Variants in GID4 observed in about 807,000 individuals in gnomAD.
GID4 encodes the protein glucose-induced degradation protein 4 homolog.
In GID4, 7 loss-of-function variants were observed where a neutral mutation model predicts 32.4. The ratio of observed to expected loss-of-function variants is 0.22; its 90% CI spans 0.12 to 0.41. The LOEUF (loss-of-function observed/expected upper bound fraction) is 0.41. GID4 is among the 10% of genes least tolerant of loss of function. The pLI, the probability that GID4 is intolerant of heterozygous loss-of-function variation, is 1.00. For synonymous variants in GID4, 166 were observed against 170.0 expected, an observed-to-expected ratio of 0.98 and a Z score of 0.18; for missense variants, 309 against 400.0, an observed-to-expected ratio of 0.77 and a Z score of 1.94.
intron 4 of GID4, among the ~76,000 whole-genome samples, chr17:18,059,502 C>T (rs1196651594): frequency 4.6e-5 from 7 of 152,158 alleles, no homozygotes; most frequent in East Asian, 3.8e-4. Context: ...GAATGGAACA[C>T]GGGTTTTTGA....
intron 1 of GID4, among the ~76,000 whole-genome samples, chr17:18,041,878 A>G (rs1234530244): frequency 6.6e-6 from 1 of 152,250 alleles, no homozygotes; most frequent in African/African-American, 2.4e-5. Flanking sequence ...GGCAGGGCTG[A>G]TAGGTCTCAG....
At chr17:18,064,919 TA>T (rs2142156757) in intron 5 of GID4, among the ~76,000 whole-genome samples, 1 of 152,048 alleles carries the variant, frequency 6.6e-6, no homozygotes, top group Admixed American at 6.6e-5. Context: ...CTCCTTTTTA[TA>T]AAACATACCA....
chr17:18,059,382 A>G (rs946719333), intron 4 of GID4, among the ~76,000 whole-genome samples: 4 of 152,088 alleles, frequency 2.6e-5, no homozygotes, highest in African/African-American at 9.7e-5. Flanking sequence ...ATCCCTCTAC[A>G]GGCTTAAACA....
intron 2 of GID4, among the ~76,000 whole-genome samples, chr17:18,047,499 A>G (rs1384261765): frequency 6.6e-6 from 1 of 152,262 alleles, no homozygotes; most frequent in Non-Finnish European, 1.5e-5. Flanking sequence ...TGAGCTCTCC[A>G]TCGGGAACAA....
intron 4 of GID4, among the ~76,000 whole-genome samples, chr17:18,059,420 A>G (rs139229138): frequency 6.6e-6 from 1 of 152,274 alleles, no homozygotes; most frequent in Non-Finnish European, 1.5e-5. Flanking sequence ...GCCCTCCACC[A>G]CATCCTTTTC....
At chr17:18,045,045 A>G in intron 1 of GID4, 102 bp from the exon 2 acceptor site, 2 of 847,954 alleles carry the variant, frequency 2.4e-6, no homozygotes, top group Non-Finnish European at 3.9e-6. Flanking sequence ...CTGGGTGTTC[A>G]CTGACCACCA....
At position 18,039,779 on chromosome 17, in the gene GID4, C is replaced by G. The variant is rs777389039; in HGVS notation, c.315C>G (p.Ile105Met). ...CCGCTGCCTCCGCGGCCTCACTCAT[C>G]CCGCCGCCGCCCATCAACACCCAGC... is the stretch of plus-strand genomic sequence containing the variant. ...GASAASAASL[I>M]PPPPINTQQP... is the part of the protein sequence containing the mutation. Residue 105 changes from isoleucine (I) to methionine (M), a missense_variant, in exon 1 of 6, where the codon ATC becomes ATG. Physicochemically the swap from Ile to Met is conservative, Grantham distance 10. Transcript: ENST00000268719. The surrounding 1 kb of genome is among the most constrained non-coding windows in gnomAD (Gnocchi z 5.3). 2 of 1,574,620 alleles carry G rather than the reference C, an allele frequency of 1.3e-6. No homozygotes were observed. The highest frequency in any genetic ancestry group is 2.8e-5 in the African/African-American group (2 of 71,794).
intron 3 of GID4, chr17:18,057,170 G>A (rs935121196): frequency 3.2e-5 from 34 of 1,074,532 alleles, no homozygotes; most frequent in Non-Finnish European, 4.3e-5. Flanking sequence ...GGTGGCTCAT[G>A]CCTGTAATGC....
intron 1 of GID4, among the ~76,000 whole-genome samples, chr17:18,044,024 G>GT (rs1387836247): frequency 6.6e-6 from 1 of 152,112 alleles, no homozygotes; most frequent in Non-Finnish European, 1.5e-5. Flanking sequence ...GATGGGCCCA[G>GT]TTTTTTCCAT....
intron 2 of GID4, 49 bp from the exon 3 acceptor site, chr17:18,054,078 A>G: frequency 9.6e-7 from 1 of 1,042,086 alleles, no homozygotes; most frequent in Non-Finnish European, 1.5e-6. Flanking sequence ...TACAAAGGTT[A>G]AAAACTCTCA....
intron 3 of GID4, among the ~76,000 whole-genome samples, 182 bp from the exon 4 acceptor site, chr17:18,058,686 T>A (rs185036534): frequency 4.8e-4 from 73 of 152,206 alleles, no homozygotes; most frequent in African/African-American, 1.7e-3. Context: ...CAGGGTTGAG[T>A]CTGCATTCAA....
chr17:18,039,942 C>G lies in GID4; in HGVS notation c.438+40C>G. The G allele has an allele frequency of 7.6e-7, 1 of 1,321,578 alleles. No homozygotes were observed. Among genetic ancestry groups the G allele is most frequent in the Non-Finnish European group, 9.7e-7 (1 of 1,031,650 alleles). 81.9% of individuals were successfully genotyped at this position (1,321,578 alleles called of 1,614,324 possible). ...GGGCCGGGGCCCGAGGGCCTCCTCG[C>G]GGCGCTCACGGGCCGTGCCCGCTTC... On this transcript the variant is annotated intron_variant, in intron 1 of 5. Coordinates refer to ENST00000268719, the MANE Select transcript of GID4 (RefSeq NM_024052.5). This position sits in a 1 kb window ranked among gnomAD's most constrained non-coding sequence, Gnocchi z 5.3.
At chr17:18,052,537 CTG>C (rs1022544859) in intron 2 of GID4, among the ~76,000 whole-genome samples, 3 of 152,184 alleles carry the variant, frequency 2.0e-5, no homozygotes, top group African/African-American at 2.4e-5. Context: ...GGACTGTAAT[CTG>C]TGGTTTTCCA....
Position 18,045,285 on chromosome 17 carries a change from G to A in GID4, c.498+79G>A, listed in dbSNP as rs539462405. On this transcript the variant is annotated intron_variant, in intron 2 of 5. Transcript: ENST00000268719. The stretch of plus-strand genomic sequence containing the variant: ...GGCTCATTGGGGTTCAGGGCAGGCG[G>A]TCTCAACTCCTTGAGGCCTAATTAA... The A allele has an allele frequency of 1.6e-4, 174 of 1,088,216 alleles. 1 individual carries two copies. In the South Asian group the frequency reaches 2.2e-3, roughly 14 times the overall value. The allele number at this position is 1,088,216 out of a possible 1,614,324, so 67.4% of individuals were successfully genotyped here.
At chr17:18,060,400 CAAAAAAAAAAAAA>C (rs919974638) in intron 4 of GID4, among the ~76,000 whole-genome samples, 2 of 45,674 alleles carry the variant, frequency 4.4e-5, no homozygotes, top group Non-Finnish European at 9.2e-5. Flanking sequence ...TCTGTCTCAC[CAAAAAAAAAAAAA>C]AAAAAAAAAA....
intron 3 of GID4, among the ~76,000 whole-genome samples, chr17:18,056,523 A>G (rs1023946430): frequency 2.0e-5 from 3 of 152,252 alleles, no homozygotes; most frequent in East Asian, 1.9e-4. Flanking sequence ...GTCCCAGAGT[A>G]GAAGGTTCTT....
rs574177034 is a variant in GID4 at position 18,066,801 on chromosome 17, A to G, written c.*1558A>G. The G allele has an allele frequency of 6.6e-6, 1 of 152,292 alleles. No individual in the cohort carries two copies. The highest frequency in any genetic ancestry group is 1.5e-5 in the Non-Finnish European group (1 of 68,028). The allele number at this position is 152,292 out of a possible 1,614,324, so 9.4% of individuals were successfully genotyped here. On this transcript the variant is annotated 3_prime_UTR_variant, in exon 6 of 6. Transcript: ENST00000268719. The stretch of plus-strand genomic sequence containing the variant: ...TTTATTGACATATGTACTGTATGTT[A>G]CTGAGATTGAATGTTAGGGGAAGCC...
At chr17:18,046,444 A>G (rs550907769) in intron 2 of GID4, among the ~76,000 whole-genome samples, 17 of 152,128 alleles carry the variant, frequency 1.1e-4, no homozygotes, top group African/African-American at 4.1e-4. Context: ...GTCGCTACAA[A>G]TAATTTTTAA....
In GID4 at chr17:18,065,587, G is replaced by A; in HGVS notation, c.*344G>A. The A allele has an allele frequency of 3.0e-6, 1 of 332,722 alleles. No homozygotes were observed. Among genetic ancestry groups the A allele is most frequent in the Non-Finnish European group, 5.8e-6 (1 of 171,774 alleles). The allele number at this position is 332,722 out of a possible 1,614,324, so 20.6% of individuals were successfully genotyped here. A position where few individuals can be genotyped will look rare whatever the true frequency, so the allele number is the denominator to read the frequency against. On this transcript the variant is annotated 3_prime_UTR_variant, in exon 6 of 6. Transcript: ENST00000268719. ...CCACCTCCAGCCGAATAGAAGGTCT[G>A]CTCCCGGATCACCCTCAGCCTTGGT...
Sources: gnomAD v4.1 joint callset for allele counts (sites outside exome capture counted in the v4.1 genomes callset) on GRCh38, gnomAD v4.1.1 for gene constraint, Gnocchi (gnomAD v3.1) non-coding constraint, MANE v1.5 for transcripts, NCBI Gene and HGNC (gene_info 2026-07-23, HGNC 2026-07-21) for gene names.